Variants in TTN observed in about 807,000 individuals in gnomAD.
TTN encodes connectin.
Under a neutral mutation model 3,223.0 loss-of-function variants are expected in TTN, and 1,525 were observed. The ratio of observed to expected loss-of-function variants is 0.47; its 90% CI spans 0.45 to 0.49. The LOEUF (loss-of-function observed/expected upper bound fraction) is 0.49. TTN is among the 20% of genes least tolerant of loss of function. The pLI is 0.00. For missense variants in TTN, 40,786 were observed against 43,424.0 expected (o/e 0.94, Z 5.40); for synonymous variants, 14,094 against 15,161.0 (o/e 0.93, Z 5.17).
rs138624938 is a variant in TTN, at chr2:178,624,235, A to G, written c.44815+230T>C. On this transcript the variant is annotated intron_variant, in intron 242 of 362. Coordinates refer to ENST00000589042, the MANE Select transcript of TTN (RefSeq NM_001267550.2). The stretch of plus-strand genomic sequence containing the variant: ...CACTACTCAGTGAGAGAAAAGAAGC[A>G]TAGGGAAAAGTGATTGCTCCATCAT... 1.4e-4 allele frequency among the ~76,000 whole-genome samples: 22 copies of G among 152,122 alleles called. No individual in the cohort carries two copies. In the East Asian group the frequency reaches 1.8e-3, roughly 12 times the overall value.
chr2:178,607,125 C>A lies in TTN; in HGVS notation c.53477G>T (p.Gly17826Val), dbSNP rs1158023438. Residue 17826 changes from glycine (G) to valine (V), a missense_variant, in exon 278 of 363, where the codon GGT becomes GTT. Coordinates refer to ENST00000589042, the MANE Select transcript of TTN (RefSeq NM_001267550.2). ...ETERSKCDIT[G>V]LLEGQEYKFR... ...CTTATATTCTTGTCCCTCAAGCAGA[C>A]CTGTGATGTCACATTTAGATCTCTC... 1.2e-6 allele frequency: 2 copies of A among 1,612,876 alleles called. No individual in the cohort carries two copies. The highest frequency in any genetic ancestry group is 1.7e-6 in the Non-Finnish European group (2 of 1,179,254).
Position 178,775,063 on chromosome 2 carries a change from C to G in TTN, c.6648G>C (p.Glu2216Asp). Residue 2216 changes from glutamate (E) to aspartate (D), a missense_variant, in exon 29 of 363, where the codon GAG becomes GAC. Glu to Asp is a conservative substitution (Grantham distance 45). Transcript: ENST00000589042. The part of the protein sequence containing the change: ...KWYKDGMEVH[E>D]GDKYRMHSDR... ...CAGAGTGCATCCTGTATTTATCTCC[C>G]TCATGAACCTCCATACCATCTTTAT... 6.2e-7 allele frequency: 1 copy of G among 1,614,044 alleles called. No individual in the cohort carries two copies. Among genetic ancestry groups the G allele is most frequent in the South Asian group, 1.1e-5 (1 of 91,074 alleles).
At chr2:178,802,821 C>T (rs968777606) in intron 2 of TTN, among the ~76,000 whole-genome samples, 1 of 152,230 alleles carries the variant, frequency 6.6e-6, no homozygotes, top group African/African-American at 2.4e-5. Context: ...GCCCTCCTCC[C>T]TCCTCTGTGG....
chr2:178,587,103 A>G lies in TTN; in HGVS notation c.64093+15T>C, dbSNP rs1330809883. Reference sequence around the variant, plus strand: ...GAGACTGGGGTTAAAAGGAGGAAGAAAGCATAATACTTACTTAGAGGATCT... The same window carrying G: ...GAGACTGGGGTTAAAAGGAGGAAGAGAGCATAATACTTACTTAGAGGATCT... On this transcript the variant is annotated intron_variant, in intron 307 of 362. Transcript: ENST00000589042. 1.9e-6 allele frequency: 3 copies of G among 1,612,700 alleles called. No homozygotes were observed. The South Asian group carries it at 3.3e-5, about 18-fold the overall frequency.
chr2:178,742,382 CT>C (rs769768090), intron 47 of TTN, among the ~76,000 whole-genome samples: 39 of 152,034 alleles, frequency 2.6e-4, no homozygotes, highest in Non-Finnish European at 5.0e-4. Context: ...CATTGATGTT[CT>C]AATTACTGCC....
chr2:178,677,343 T>C, intron 146 of TTN, 56 bp from the exon 147 acceptor site: 2 of 455,390 alleles, frequency 4.4e-6, no homozygotes, highest in South Asian at 1.3e-4. Flanking sequence ...GTCATATATA[T>C]ATATATATAT....
chr2:178,581,593 G>A lies in TTN; in HGVS notation c.66675C>T (p.Asp22225=). The part of the protein sequence containing the change: ...TRFEVTGLME[D]TQYQFRVYAV... ...CATACACACGGAATTGATATTGTGTGTCTTCCATCAGGCCAGTAACCTCAA... is the reference window on the plus strand; with the variant it reads ...CATACACACGGAATTGATATTGTGTATCTTCCATCAGGCCAGTAACCTCAA... The change falls in exon 316 of 363, where the codon GAC becomes GAT. Residue 22225 remains aspartate (D), a synonymous_variant. Coordinates refer to ENST00000589042, the MANE Select transcript of TTN (RefSeq NM_001267550.2). 1 of 1,612,712 alleles carries A rather than the reference G, an allele frequency of 6.2e-7. No individual in the cohort carries two copies. Among genetic ancestry groups the A allele is most frequent in the Non-Finnish European group, 8.5e-7 (1 of 1,179,178 alleles).
rs371010572 is a variant in TTN at position 178,582,024 on chromosome 2, T to G, written c.66345A>C (p.Leu22115Phe). Residue 22115 changes from leucine (L) to phenylalanine (F), a missense_variant, in exon 315 of 363, where the codon TTA becomes TTC. Coordinates refer to ENST00000589042, the MANE Select transcript of TTN (RefSeq NM_001267550.2). The stretch of plus-strand genomic sequence containing the variant: ...TACCTTCTTGAAGACCTGTTGCTTT[T>G]AATGTTCTTTCTATAATAGGTTTTC... ...VNRKPIIERT[L>F]KATGLQEGTE... is the part of the protein sequence containing the mutation. The G allele has an allele frequency of 1.9e-6, 3 of 1,613,232 alleles. No homozygotes were observed. In the African/African-American group the frequency reaches 4.0e-5, roughly 22 times the overall value.
rs559490402 is a variant in TTN at position 178,589,506 on chromosome 2, T to A, written c.62219A>T (p.Glu20740Val). 4.3e-6 allele frequency: 7 copies of A among 1,613,292 alleles called. No homozygotes were observed. The highest frequency in any genetic ancestry group is 5.9e-6 in the Non-Finnish European group (7 of 1,179,626). The change falls in exon 304 of 363, where the codon GAG (glutamate) becomes GTG (valine). Residue 20740 changes from glutamate (E) to valine (V), a missense_variant. Transcript: ENST00000589042. ...TTCATTCTTTGTTTGCACTCTGAACTCATAAATCTGGTTTTCAACACATCT... is the reference window on the plus strand; with the variant it reads ...TTCATTCTTTGTTTGCACTCTGAACACATAAATCTGGTTTTCAACACATCT... ...VDRCVENQIY[E>V]FRVQTKNEGG... is the part of the protein sequence containing the mutation.
Position 178,547,441 on chromosome 2 carries a change from T to C in TTN, c.94185A>G (p.Leu31395=), listed in dbSNP as rs1350410242. The change falls in exon 339 of 363, where the codon CTA becomes CTG. Residue 31395 remains leucine (L), a synonymous_variant. Transcript: ENST00000589042. ...SENRFGVSKP[L]ESAPIIAEHP... ...GTTCAGCAATTATTGGTGCTGATTC[T>C]AGAGGTTTGCTGACACCAAATCTGT... is the stretch of plus-strand genomic sequence containing the variant. 1 of 1,609,536 alleles carries C rather than the reference T, an allele frequency of 6.2e-7. No homozygotes were observed. The highest frequency in any genetic ancestry group is 1.1e-5 in the South Asian group (1 of 90,776).
At position 178,593,197 on chromosome 2, in the gene TTN, G is replaced by A. The variant is rs1426333344; in HGVS notation, c.59011C>T (p.Pro19671Ser). ...CCAATTGGATCTTTAGCAAAGACTGGTTTGGATGGTGGGCTTGGATCTCCA... is the reference window on the plus strand; with the variant it reads ...CCAATTGGATCTTTAGCAAAGACTGATTTGGATGGTGGGCTTGGATCTCCA... ...GIGDPSPPSK[P>S]VFAKDPIAKP... Residue 19671 changes from proline to serine, a missense_variant, in exon 299 of 363, where the codon CCA (proline) becomes TCA (serine). Pro to Ser is a moderately conservative substitution (Grantham distance 74, BLOSUM62 -1). Transcript: ENST00000589042. The A allele has an allele frequency of 1.2e-6, 2 of 1,613,244 alleles. No homozygotes were observed. Among genetic ancestry groups the A allele is most frequent in the East Asian group, 4.5e-5 (2 of 44,736 alleles).
At position 178,576,729 on chromosome 2, in the gene TTN, G is replaced by A. The variant is rs752643010; in HGVS notation, c.69515C>T (p.Thr23172Ile). 9.9e-6 allele frequency: 16 copies of A among 1,613,340 alleles called. No individual in the cohort carries two copies. The highest frequency in any genetic ancestry group is 1.3e-5 in the African/African-American group (1 of 74,850). ...TTCTCTCCTTTCTACATGATATCCT[G>A]TAATTTCGCTGCCACCATCATCCAC... ...RPVDDGGSEI[T>I]GYHVERREKK... Residue 23172 changes from threonine (T) to isoleucine (I), a missense_variant, in exon 325 of 363, where the codon ACA becomes ATA. Physicochemically the swap from Thr to Ile is moderately conservative, Grantham distance 89. Transcript: ENST00000589042. This position sits in a 1 kb window ranked among gnomAD's most constrained non-coding sequence, Gnocchi z 4.3.
rs1484287814 is a variant in TTN at position 178,568,995 on chromosome 2, T to C, written c.77137A>G (p.Asn25713Asp). The change falls in exon 326 of 363, where the codon AAC becomes GAC. Residue 25713 changes from asparagine to aspartate, a missense_variant. Asn to Asp is a conservative substitution (Grantham distance 23). Coordinates refer to ENST00000589042, the MANE Select transcript of TTN (RefSeq NM_001267550.2). ...GKITVDDVTR[N>D]SVSLSWTKPE... ...TTTGTCCAACTCAGAGAGACACTGT[T>C]TCTGGTGACATCATCCACAGTTATT... The C allele has an allele frequency of 6.2e-7, 1 of 1,613,450 alleles. No individual in the cohort carries two copies. Among genetic ancestry groups the C allele is most frequent in the South Asian group, 1.1e-5 (1 of 91,050 alleles).
Position 178,712,858 on chromosome 2 carries a change from C to T in TTN, c.27167G>A (p.Ser9056Asn). 6.2e-7 allele frequency: 1 copy of T among 1,613,760 alleles called. No individual in the cohort carries two copies. Among genetic ancestry groups the T allele is most frequent in the East Asian group, 2.2e-5 (1 of 44,846 alleles). ...PPFSVSWFKG[S>N]SELVPGDRCN... ...TCTGTCACCTGGTACTAGTTCACTG[C>T]TACCTTTGAACCAGCTAACACTGAA... Residue 9056 changes from serine (S) to asparagine (N), a missense_variant, in exon 94 of 363, where the codon AGC becomes AAC. Coordinates refer to ENST00000589042, the MANE Select transcript of TTN (RefSeq NM_001267550.2).
rs753058072 is a variant in TTN, at chr2:178,539,896, T to G, written c.98169A>C (p.Arg32723Ser). ...GIFVRQGGVI[R>S]LTIPIKGKPF... ...GTTTTCCTTTGATTGGTATGGTAAG[T>G]CTGATGACGCCACCTTGCCTTACAA... Residue 32723 changes from arginine (R) to serine (S), a missense_variant, in exon 352 of 363, where the codon AGA becomes AGC. Coordinates refer to ENST00000589042, the MANE Select transcript of TTN (RefSeq NM_001267550.2). 9.3e-6 allele frequency: 15 copies of G among 1,613,728 alleles called. No homozygotes were observed. The highest frequency in any genetic ancestry group is 1.6e-4 in the Middle Eastern group (1 of 6,084).
At chr2:178,676,599 C>T (rs2068114628) in intron 147 of TTN, among the ~76,000 whole-genome samples, 1 of 151,736 alleles carries the variant, frequency 6.6e-6, no homozygotes, top group Non-Finnish European at 1.5e-5. Context: ...AATAGCTGAG[C>T]CCATTAAGAC....
chr2:178,533,111 C>T lies in TTN; in HGVS notation c.103504G>A (p.Ala34502Thr). The T allele has an allele frequency of 1.2e-6, 2 of 1,613,958 alleles. No homozygotes were observed. Among genetic ancestry groups the T allele is most frequent in the Non-Finnish European group, 1.7e-6 (2 of 1,179,868 alleles). Reference protein sequence around the residue: ...SVPLTQVAKEALREAAVLYKP... With the variant: ...SVPLTQVAKETLREAAVLYKP... Reference sequence around the variant, plus strand: ...TAAAGGACAGCAGCTTCTCTCAGAGCCTCTTTAGCTACCTGTGTCAGTGGT... The same window carrying T: ...TAAAGGACAGCAGCTTCTCTCAGAGTCTCTTTAGCTACCTGTGTCAGTGGT... Residue 34502 changes from alanine to threonine, a missense_variant, in exon 358 of 363, where the codon GCT becomes ACT. Coordinates refer to ENST00000589042, the MANE Select transcript of TTN (RefSeq NM_001267550.2).
chr2:178,733,209 T>C (rs1166560893), intron 54 of TTN, 30 bp downstream of exon 54: 6 of 1,563,670 alleles, frequency 3.8e-6, no homozygotes, highest in Non-Finnish European at 4.3e-6. Context: ...TTCAAATGCA[T>C]ATGTAGCATC....
At position 178,702,483 on chromosome 2, in the gene TTN, G is replaced by A. The variant is rs138493804; in HGVS notation, c.30404C>T (p.Thr10135Ile). The change falls in exon 107 of 363, where the codon ACC becomes ATC. Residue 10135 changes from threonine to isoleucine, a missense_variant. Thr to Ile is a moderately conservative substitution (Grantham distance 89). Coordinates refer to ENST00000589042, the MANE Select transcript of TTN (RefSeq NM_001267550.2). ...ATCGTCTGGGGTCACATTGTGGATG[G>A]TCATATAATGGCAGCGGCCATCATT... is the stretch of plus-strand genomic sequence containing the variant. ...FRNDGRCHYMTIHNVTPDDEG... is the reference protein window; with the variant it reads ...FRNDGRCHYMIIHNVTPDDEG... 21 of 1,613,932 alleles carry A rather than the reference G, an allele frequency of 1.3e-5. No individual in the cohort carries two copies. The highest frequency in any genetic ancestry group is 1.8e-5 in the Non-Finnish European group (21 of 1,179,862).
Sources: allele counts gnomAD v4.1 joint callset (sites outside exome capture counted in the v4.1 genomes callset), GRCh38; gene constraint gnomAD v4.1.1; non-coding constraint Gnocchi (gnomAD v3.1); transcripts MANE v1.5; gene names NCBI Gene and HGNC (gene_info 2026-07-23, HGNC 2026-07-21).